EIF4E2: variants seen among roughly 807,000 people sequenced by gnomAD.
The protein encoded by EIF4E2 is eukaryotic translation initiation factor 4E family member 2.
In EIF4E2, 13 loss-of-function variants were observed where a neutral mutation model predicts 34.2. The observed-to-expected ratio is 0.38, with a 90% CI of 0.25 to 0.60. The LOEUF (loss-of-function observed/expected upper bound fraction) is 0.60. Among genes scored for constraint, EIF4E2 ranks in the 20% least tolerant of loss-of-function variants. EIF4E2 has a pLI of 0.62. For missense variants in EIF4E2, 222 were observed against 315.1 expected, an observed-to-expected ratio of 0.70 and a Z score of 2.24; for synonymous variants, 100 against 106.6, an observed-to-expected ratio of 0.94 and a Z score of 0.38.
intron 1 of EIF4E2, among the ~76,000 whole-genome samples, chr2:232,556,075 A>G (rs533449961): frequency 2.0e-5 from 3 of 152,242 alleles, no homozygotes; most frequent in Non-Finnish European, 2.9e-5. Flanking sequence ...TTGAAATGCC[A>G]TAGCATTAGA....
intron 6 of EIF4E2, among the ~76,000 whole-genome samples, chr2:232,576,182 A>G (rs1381496560): frequency 2.7e-5 from 4 of 148,962 alleles, no homozygotes; most frequent in Admixed American, 1.4e-4. Flanking sequence ...CCAGCCTGGC[A>G]ACAGAGCGAG....
intron 6 of EIF4E2, among the ~76,000 whole-genome samples, chr2:232,574,953 G>T (rs1010088951): frequency 2.6e-5 from 4 of 152,198 alleles, no homozygotes; most frequent in African/African-American, 4.8e-5. Context: ...TTGACTTTGG[G>T]AATATTTGTA....
In EIF4E2 at chr2:232,569,203, C is replaced by A; in HGVS notation, c.*186C>A. ...AGCTGAGATCACTTAATAAATGGTG[C>A]TAAACTAGCTTGTCTCATGCTCTTG... is the stretch of plus-strand genomic sequence containing the variant. On this transcript the variant is annotated 3_prime_UTR_variant, in exon 7 of 7. Coordinates refer to ENST00000258416, the MANE Select transcript of EIF4E2 (RefSeq NM_004846.4). 7.0e-7 allele frequency: 1 copy of A among 1,426,284 alleles called. No homozygotes were observed. Among genetic ancestry groups the A allele is most frequent in the Non-Finnish European group, 9.2e-7 (1 of 1,092,604 alleles). The allele number at this position is 1,426,284 out of a possible 1,614,324, so 88.4% of individuals were successfully genotyped here.
intron 2 of EIF4E2, chr2:232,557,650 G>C: frequency 2.1e-6 from 1 of 487,710 alleles, no homozygotes; most frequent in African/African-American, 1.9e-5. Flanking sequence ...ATTATATGAG[G>C]GAGAAAGTTA....
intron 6 of EIF4E2, among the ~76,000 whole-genome samples, chr2:232,575,504 A>C (rs1323471272): frequency 6.6e-6 from 1 of 152,206 alleles, no homozygotes; most frequent in African/African-American, 2.4e-5. Context: ...GCACACGCCT[A>C]TTGTCCCAGC....
chr2:232,551,863 A>G (rs1023495987), intron 1 of EIF4E2, among the ~76,000 whole-genome samples: 1 of 152,108 alleles, frequency 6.6e-6, no homozygotes, highest in Admixed American at 6.5e-5. Context: ...GTCCTCAGGA[A>G]TGTTTTCTGG....
At chr2:232,553,592 G>A (rs1190450) in intron 1 of EIF4E2, among the ~76,000 whole-genome samples, 116,628 of 152,132 alleles carry the variant, frequency 0.77, 45,236 homozygotes, top group Middle Eastern at 0.91. Flanking sequence ...CTAACTGCCT[G>A]AGTTTAGGGA....
chr2:232,569,251 GT>G, downstream of EIF4E2: 1 of 1,364,028 alleles, frequency 7.3e-7, no homozygotes, highest in East Asian at 2.8e-5. Context: ...CATCAAAGAT[GT>G]GGCCTTTCGG....
At chr2:232,568,882 AC>A in intron 6 of EIF4E2, 62 bp from the exon 7 acceptor site, 1 of 1,608,352 alleles carries the variant, frequency 6.2e-7, no homozygotes, top group East Asian at 2.2e-5. Flanking sequence ...CCCAGATGCT[AC>A]TTTCCCTTGC....
At chr2:232,561,287 G>A (rs1257095919) in intron 3 of EIF4E2, among the ~76,000 whole-genome samples, 1 of 151,834 alleles carries the variant, frequency 6.6e-6, no homozygotes, top group Non-Finnish European at 1.5e-5. Flanking sequence ...TTTTTTTGGA[G>A]TAATTATGCA....
At chr2:232,554,817 C>T (rs1265994012) in intron 1 of EIF4E2, among the ~76,000 whole-genome samples, 2 of 152,178 alleles carry the variant, frequency 1.3e-5, no homozygotes, top group East Asian at 1.9e-4. Flanking sequence ...GCATGGGGCC[C>T]ATATGGCTGC....
At position 232,553,098 on chromosome 2, in the gene EIF4E2, G is replaced by A. The variant is rs376697107; in HGVS notation, c.20+2354G>A. ...ATATTAAAGATTAGCTCTAATCTCC[G>A]TTACTGTATGGACTCAACTTCTCTG... is the stretch of plus-strand genomic sequence containing the variant. On this transcript the variant is annotated intron_variant, in intron 1 of 6. Coordinates refer to ENST00000258416, the MANE Select transcript of EIF4E2 (RefSeq NM_004846.4). Among the ~76,000 whole-genome samples, 26 of 152,276 alleles carry A rather than the reference G, an allele frequency of 1.7e-4. No individual in the cohort carries two copies. In the East Asian group the frequency reaches 3.3e-3, roughly 19 times the overall value.
intron 3 of EIF4E2, chr2:232,558,359 A>G (rs1692596959): frequency 6.3e-6 from 1 of 159,116 alleles, no homozygotes; most frequent in Non-Finnish European, 1.4e-5. Flanking sequence ...ATCTCAGCTC[A>G]TTGCAACCTC....
intron 1 of EIF4E2, among the ~76,000 whole-genome samples, chr2:232,554,578 A>G (rs1257264667): frequency 6.6e-6 from 1 of 152,188 alleles, no homozygotes; most frequent in African/African-American, 2.4e-5. Flanking sequence ...TTGAAAAGGA[A>G]ACCAAATGTT....
chr2:232,552,679 G>A, intron 1 of EIF4E2, among the ~76,000 whole-genome samples: 1 of 70,884 alleles, frequency 1.4e-5, no homozygotes, highest in South Asian at 6.0e-4. Context: ...AATTAAACTT[G>A]CCCTCTTTTT....
At chr2:232,574,106 G>T (rs894494160), downstream of EIF4E2, 18 of 786,036 alleles carry the variant, frequency 2.3e-5, no homozygotes, top group Non-Finnish European at 3.1e-5. Flanking sequence ...GGAAAGGAAA[G>T]TCCAGTGGGA....
At chr2:232,562,305 G>T (rs2573217) in intron 3 of EIF4E2, among the ~76,000 whole-genome samples, 2 of 152,016 alleles carry the variant, frequency 1.3e-5, no homozygotes, top group Non-Finnish European at 2.9e-5. Flanking sequence ...GTGGGGCTGG[G>T]CGCGGTGGCT....
At chr2:232,582,840 T>TA (rs1481599865) in exon 7 of EIF4E2, 3 of 152,244 alleles carry the variant, frequency 2.0e-5, no homozygotes, top group Non-Finnish European at 4.4e-5. Flanking sequence ...TTTTGAATCT[T>TA]ACGTTTTCTA....
chr2:232,553,126 T>C (rs940047047), intron 1 of EIF4E2, among the ~76,000 whole-genome samples: 1 of 152,232 alleles, frequency 6.6e-6, no homozygotes, highest in African/African-American at 2.4e-5. Flanking sequence ...CTTCTCTGAA[T>C]GAAACCTTTG....
Sources: gnomAD v4.1 joint callset for allele counts (sites outside exome capture counted in the v4.1 genomes callset) on GRCh38, gnomAD v4.1.1 for gene constraint, MANE v1.5 for transcripts, NCBI Gene and HGNC (gene_info 2026-07-23, HGNC 2026-07-21) for gene names.